Variants in NGFR observed in about 807,000 individuals in gnomAD.
The protein encoded by NGFR is nerve growth factor receptor.
A neutral mutation model predicts 43.2 loss-of-function variants in NGFR; 30 were observed. The ratio of observed to expected loss-of-function variants is 0.69; its 90% confidence interval spans 0.52 to 0.94. The LOEUF (loss-of-function observed/expected upper bound fraction) is 0.94, where lower values mean the gene tolerates loss of function less well. Among genes scored for constraint, NGFR ranks in the 40% least tolerant of loss-of-function variants. The pLI, the probability that NGFR is intolerant of heterozygous loss-of-function variation, is 0.00. For synonymous variants in NGFR, 246 were observed against 259.6 expected (o/e 0.95, Z 0.50); for missense variants, 529 against 602.5 (o/e 0.88, Z 1.28).
Position 49,512,165 on chromosome 17 carries a change from G to T in NGFR, c.982+113G>T, listed in dbSNP as rs1023327735. ...GGGGGGCGGCAGGGCTGGCTCAGCG[G>T]TGCCCCTGTAGATGGATGGAGAGGC... On this transcript the variant is annotated intron_variant, in intron 5 of 5. Transcript: ENST00000172229. The surrounding 1 kb of genome is among the most constrained non-coding windows in gnomAD (Gnocchi z 5.2). 1.1e-5 allele frequency: 15 copies of T among 1,333,994 alleles called. No homozygotes were observed. Among genetic ancestry groups the T allele is most frequent in the Non-Finnish European group, 1.4e-5 (14 of 988,238 alleles). The allele number at this position is 1,333,994 out of a possible 1,614,324, so 82.6% of individuals were successfully genotyped here.
chr17:49,501,940 C>A, intron 1 of NGFR, 123 bp from the exon 2 acceptor site: 3 of 1,002,070 alleles, frequency 3.0e-6, no homozygotes, highest in South Asian at 2.1e-5. Context: ...GTGAGCTCAT[C>A]CCAGCCCAGG....
intron 3 of NGFR, 29 bp downstream of exon 3, chr17:49,506,687 TG>T (rs1208708275): frequency 1.5e-5 from 2 of 129,062 alleles, no homozygotes; most frequent in Non-Finnish European, 2.1e-5. Flanking sequence ...GCGGGGGGAG[TG>T]GGGGTGCGGG....
At chr17:49,510,092 A>G (rs974546014) in intron 3 of NGFR, among the ~76,000 whole-genome samples, 1 of 152,148 alleles carries the variant, frequency 6.6e-6, no homozygotes, top group African/African-American at 2.4e-5. Flanking sequence ...ATAGCCCCAG[A>G]TGGAAGGGAG....
intron 3 of NGFR, among the ~76,000 whole-genome samples, chr17:49,509,841 A>C (rs2071220384): frequency 6.6e-6 from 1 of 152,184 alleles, no homozygotes; most frequent in African/African-American, 2.4e-5. Flanking sequence ...CATGAGGTCA[A>C]AAAGTCGGGG....
Position 49,495,504 on chromosome 17 carries a change from G to A in NGFR, c.66+21G>A, listed in dbSNP as rs1448270321. On this transcript the variant is annotated intron_variant, in intron 1 of 5. Transcript: ENST00000172229. This position sits in a 1 kb window ranked among gnomAD's most constrained non-coding sequence, Gnocchi z 6.4. ...TGGGGGTGAGTGTTAGCCGGAGGGG[G>A]CCCGCTCCCTTTCCCGGGATCAGAA... 4.1e-6 allele frequency: 5 copies of A among 1,233,540 alleles called. No individual in the cohort carries two copies. Among genetic ancestry groups the A allele is most frequent in the Non-Finnish European group, 4.1e-6 (4 of 986,612 alleles). The allele number at this position is 1,233,540 out of a possible 1,614,324, so 76.4% of individuals were successfully genotyped here.
In NGFR at chr17:49,506,468, C is replaced by G. The variant is rs531801447; in HGVS notation, c.378C>G (p.Arg126=). ...DETTGRCEAC[R]VCEAGSGLVF... Reference sequence around the variant, plus strand: ...CGACTGGGCGCTGCGAGGCGTGCCGCGTGTGCGAGGCGGGCTCGGGCCTCG... The same window carrying G: ...CGACTGGGCGCTGCGAGGCGTGCCGGGTGTGCGAGGCGGGCTCGGGCCTCG... The change falls in exon 3 of 6, where the codon CGC becomes CGG. Residue 126 remains arginine, a synonymous_variant. Transcript: ENST00000172229. 3.7e-6 allele frequency: 6 copies of G among 1,609,788 alleles called. No individual in the cohort carries two copies. In the African/African-American group the frequency reaches 8.0e-5, roughly 21 times the overall value.
At position 49,512,409 on chromosome 17, in the gene NGFR, C is replaced by T. The variant is rs942307362; in HGVS notation, c.983-299C>T. ...AGTGGCCCATAGCCCAGCTCCGGGA[C>T]ACTTGCTGTAGTTGTCTAGAACTGA... On this transcript the variant is annotated intron_variant, in intron 5 of 5. Transcript: ENST00000172229. This position sits in a 1 kb window ranked among gnomAD's most constrained non-coding sequence, Gnocchi z 5.2. 6.6e-6 allele frequency among the ~76,000 whole-genome samples: 1 copy of T among 152,202 alleles called. No homozygotes were observed. Among genetic ancestry groups the T allele is most frequent in the African/African-American group, 2.4e-5 (1 of 41,446 alleles).
chr17:49,509,368 C>T (rs546645496), intron 3 of NGFR, among the ~76,000 whole-genome samples: 57 of 152,296 alleles, frequency 3.7e-4, no homozygotes, highest in Non-Finnish European at 5.3e-4. Context: ...TCCCTCCCTG[C>T]CCCAGGCGTG....
chr17:49,513,066 A>G lies in NGFR; in HGVS notation c.*57A>G. On this transcript the variant is annotated 3_prime_UTR_variant, in exon 6 of 6. Transcript: ENST00000172229. The stretch of plus-strand genomic sequence containing the variant: ...ATTCCGACAACCGATGCTCCAGCCA[A>G]CCCCTGTGGAGCCCGCACCCCCACC... The G allele has an allele frequency of 2.1e-6, 3 of 1,443,470 alleles. No homozygotes were observed. Among genetic ancestry groups the G allele is most frequent in the East Asian group, 2.5e-5 (1 of 39,966 alleles). 89.4% of individuals were successfully genotyped at this position (1,443,470 alleles called of 1,614,324 possible). A position where few individuals can be genotyped will look rare whatever the true frequency, so the allele number is the denominator to read the frequency against.
Position 49,502,049 on chromosome 17 carries a change from C to T in NGFR, c.67-14C>T, listed in dbSNP as rs1158832892. 3 of 1,304,576 alleles carry T rather than the reference C, an allele frequency of 2.3e-6. No homozygotes were observed. Among genetic ancestry groups the T allele is most frequent in the East Asian group, 8.4e-5 (2 of 23,922 alleles). The allele number at this position is 1,304,576 out of a possible 1,614,324, so 80.8% of individuals were successfully genotyped here. A position where few individuals can be genotyped will look rare whatever the true frequency, so the allele number is the denominator to read the frequency against. On this transcript the variant is annotated splice_polypyrimidine_tract_variant and intron_variant, in intron 1 of 5. Coordinates refer to ENST00000172229, the MANE Select transcript of NGFR (RefSeq NM_002507.4). ...TCTCTTGCCAGTCTGACCCTCCGATCTCCCTCCATCCAGGTGTCCCTTGGA... is the reference window on the plus strand; with the variant it reads ...TCTCTTGCCAGTCTGACCCTCCGATTTCCCTCCATCCAGGTGTCCCTTGGA...
chr17:49,506,115 G>T, intron 2 of NGFR, 184 bp from the exon 3 acceptor site: 2 of 1,225,920 alleles, frequency 1.6e-6, no homozygotes, highest in Non-Finnish European at 2.1e-6. Flanking sequence ...CCCTTTCCCA[G>T]TTGGCTGCCA....
At chr17:49,497,874 C>A (rs1217971592) in intron 1 of NGFR, 1 of 152,486 alleles carries the variant, frequency 6.6e-6, no homozygotes, top group Non-Finnish European at 1.5e-5. Flanking sequence ...GGACGGGCCC[C>A]TACCGCACTG....
At chr17:49,503,773 G>A (rs1003848365) in intron 2 of NGFR, among the ~76,000 whole-genome samples, 3 of 152,196 alleles carry the variant, frequency 2.0e-5, no homozygotes, top group African/African-American at 7.2e-5. Flanking sequence ...CCATTCCAGG[G>A]CGGGGGTGGC....
intron 1 of NGFR, chr17:49,497,209 A>C (rs1353049411): frequency 6.6e-6 from 1 of 152,196 alleles, no homozygotes; most frequent in East Asian, 1.9e-4. Flanking sequence ...TCGGCGGTAG[A>C]GCCTGCGGGT....
intron 1 of NGFR, chr17:49,497,139 C>T (rs990752246): frequency 6.6e-6 from 1 of 152,258 alleles, no homozygotes; most frequent in African/African-American, 2.4e-5. Context: ...TGTCCCAGCT[C>T]GGGGTCACGG....
Position 49,510,650 on chromosome 17 carries a change from C to G in NGFR, c.807C>G (p.Tyr269Ter). The G allele has an allele frequency of 1.2e-6, 2 of 1,613,716 alleles. No homozygotes were observed. ...CTGTGGTTGTGGGCCTTGTGGCCTA[C>G]ATAGCCTTCAAGAGGTAAGAGAGGG... ...LAAVVVGLVA[Y>*]IAFKRWNSCK... Residue 269 changes from tyrosine (Y) to a stop codon, truncating the protein, a stop_gained, in exon 4 of 6, where the codon TAC becomes TAG. Coordinates refer to ENST00000172229, the MANE Select transcript of NGFR (RefSeq NM_002507.4). LOFTEE classifies it high-confidence loss of function.
intron 1 of NGFR, among the ~76,000 whole-genome samples, chr17:49,501,852 C>T (rs747872885): frequency 6.6e-6 from 1 of 152,240 alleles, no homozygotes; most frequent in Non-Finnish European, 1.5e-5. Flanking sequence ...TGACCTCACA[C>T]CCCCAGCAGC....
intron 1 of NGFR, among the ~76,000 whole-genome samples, chr17:49,501,651 G>T (rs1478121969): frequency 6.6e-6 from 1 of 152,242 alleles, no homozygotes; most frequent in Non-Finnish European, 1.5e-5. Context: ...TTTGGGATAG[G>T]TTTCAGCTCT....
chr17:49,501,999 A>AGGGGGGGCCCCCCCCCCCCC, intron 1 of NGFR, 64 bp from the exon 2 acceptor site: 1 of 330,984 alleles, frequency 3.0e-6, no homozygotes, highest in Non-Finnish European at 5.9e-6. Flanking sequence ...TCCCCGGAAG[A>AGGGGGGGCCCCCCCCCCCCC]ACCCCCCCCA....
Sources: allele counts gnomAD v4.1 joint callset (sites outside exome capture counted in the v4.1 genomes callset), GRCh38; gene constraint gnomAD v4.1.1; non-coding constraint Gnocchi (gnomAD v3.1); transcripts MANE v1.5; gene names NCBI Gene and HGNC (gene_info 2026-07-23, HGNC 2026-07-21).